SCHIP1: variants seen among roughly 807,000 people sequenced by gnomAD.
SCHIP1 encodes schwannomin interacting protein 1, also known as schwannomin-interacting protein 1.
SCHIP1 carries 8 observed loss-of-function variants against 29.7 expected under a neutral mutation model. That is an observed-to-expected ratio of 0.27 (90% CI 0.16 to 0.49). The LOEUF (loss-of-function observed/expected upper bound fraction) is 0.49, where lower values mean the gene tolerates loss of function less well. Ranked by LOEUF, SCHIP1 falls within the 20% of genes least tolerant of loss-of-function variation. The pLI, the probability that SCHIP1 is intolerant of heterozygous loss-of-function variation, is 0.99. For missense variants in SCHIP1, 193 were observed against 294.6 expected, an observed-to-expected ratio of 0.66 and a Z score of 2.52; for synonymous variants, 76 against 94.9, an observed-to-expected ratio of 0.80 and a Z score of 1.16.
upstream of SCHIP1, among the ~76,000 whole-genome samples, chr3:159,839,109 T>G (rs1337314533): frequency 6.6e-6 from 1 of 151,998 alleles, no homozygotes; most frequent in Non-Finnish European, 1.5e-5. Flanking sequence ...CTGGCCCCAG[T>G]TTTTTCCCAG....
At chr3:159,485,808 G>C in the SCHIP1 span, among the ~76,000 whole-genome samples, 1 of 152,118 alleles carries the variant, frequency 6.6e-6, no homozygotes, top group Non-Finnish European at 1.5e-5. Context: ...CAGGTGCATT[G>C]TTTGTGAACT....
At chr3:159,668,572 T>C in the SCHIP1 span, among the ~76,000 whole-genome samples, 2 of 152,214 alleles carry the variant, frequency 1.3e-5, no homozygotes, top group African/African-American at 2.4e-5. Context: ...CCTGGGCTTT[T>C]GCAAGTTCTT....
the SCHIP1 span, among the ~76,000 whole-genome samples, chr3:159,327,801 A>T: frequency 6.6e-6 from 1 of 152,204 alleles, no homozygotes; most frequent in African/African-American, 2.4e-5. Context: ...GAGGCAGAGA[A>T]GAAAAGCAAA....
chr3:159,879,838 G>A (rs924842142), intron 2 of SCHIP1, among the ~76,000 whole-genome samples: 1 of 152,264 alleles, frequency 6.6e-6, no homozygotes, highest in African/African-American at 2.4e-5. Context: ...ATACAGGGGC[G>A]ATGTTTCTCC....
At chr3:159,658,206 C>A in the SCHIP1 span, among the ~76,000 whole-genome samples, 10 of 152,272 alleles carry the variant, frequency 6.6e-5, no homozygotes, top group African/African-American at 2.2e-4. Flanking sequence ...CTTCCCAATT[C>A]AAAGACAAAA....
chr3:159,515,879 A>T, the SCHIP1 span, among the ~76,000 whole-genome samples: 1 of 152,224 alleles, frequency 6.6e-6, no homozygotes, highest in African/African-American at 2.4e-5. Context: ...ACAAAGCTTG[A>T]ATGTTAGTGC....
chr3:159,524,926 C>T, the SCHIP1 span, among the ~76,000 whole-genome samples: 11 of 152,288 alleles, frequency 7.2e-5, no homozygotes, highest in East Asian at 1.4e-3. Context: ...GTACACCCCA[C>T]CCCTAGCCAC....
the SCHIP1 span, among the ~76,000 whole-genome samples, chr3:159,291,125 A>G: frequency 2.6e-5 from 4 of 152,236 alleles, no homozygotes; most frequent in East Asian, 1.9e-4. Context: ...TACAAAATAC[A>G]CAAGGAAGGT....
At chr3:159,628,164 T>A in the SCHIP1 span, among the ~76,000 whole-genome samples, 13 of 152,044 alleles carry the variant, frequency 8.6e-5, no homozygotes, top group Non-Finnish European at 1.5e-4. Context: ...AGTTCAAGGC[T>A]CACCAAAGAG....
At chr3:159,817,159 C>A in the SCHIP1 span, among the ~76,000 whole-genome samples, 8 of 152,038 alleles carry the variant, frequency 5.3e-5, no homozygotes, top group African/African-American at 1.9e-4. Flanking sequence ...GAATTAAATA[C>A]CTATGATGAA....
the SCHIP1 span, among the ~76,000 whole-genome samples, chr3:159,825,315 A>G: frequency 2.0e-5 from 3 of 152,188 alleles, no homozygotes; most frequent in East Asian, 3.9e-4. Flanking sequence ...CCTCAAGTGC[A>G]GCTGGCAGAG....
chr3:159,840,069 G>C (rs1744076872), exon 1 of SCHIP1: 2 of 1,509,052 alleles, frequency 1.3e-6, no homozygotes, highest in East Asian at 2.5e-5. Context: ...TAATCTGCGG[G>C]GAGCCCCTGC....
the SCHIP1 span, among the ~76,000 whole-genome samples, chr3:159,583,215 T>C: frequency 2.6e-5 from 4 of 152,152 alleles, no homozygotes; most frequent in Non-Finnish European, 5.9e-5. Flanking sequence ...TTCTAGGGTA[T>C]GTAAGTGACT....
the SCHIP1 span, among the ~76,000 whole-genome samples, chr3:159,408,504 A>G: frequency 6.6e-6 from 1 of 152,120 alleles, no homozygotes; most frequent in Non-Finnish European, 1.5e-5. Context: ...AACTGATACT[A>G]CAGAATGCAA....
the SCHIP1 span, among the ~76,000 whole-genome samples, chr3:159,664,039 G>A: frequency 6.6e-6 from 1 of 152,128 alleles, no homozygotes; most frequent in African/African-American, 2.4e-5. Context: ...CTTCATTTGA[G>A]GTTTGTTTCT....
At chr3:159,772,583 T>C in the SCHIP1 span, among the ~76,000 whole-genome samples, 1 of 152,228 alleles carries the variant, frequency 6.6e-6, no homozygotes, top group Non-Finnish European at 1.5e-5. Flanking sequence ...ACAGTTGTTA[T>C]CTGGTTGGTT....
chr3:159,718,963 C>T, the SCHIP1 span, among the ~76,000 whole-genome samples: 3,715 of 152,226 alleles, frequency 0.024, 75 homozygotes, highest in African/African-American at 0.052. Flanking sequence ...GGAGGCATCA[C>T]GCTACCTGAC....
chr3:159,501,290 G>T, the SCHIP1 span, among the ~76,000 whole-genome samples: 1 of 152,152 alleles, frequency 6.6e-6, no homozygotes, highest in African/African-American at 2.4e-5. Context: ...AAAAAGGATG[G>T]TAAACAGTTG....
upstream of SCHIP1, among the ~76,000 whole-genome samples, chr3:159,837,892 A>G (rs9816506): frequency 0.06 from 9,111 of 151,644 alleles, 862 homozygotes; most frequent in African/African-American, 0.2. Context: ...CTCATTCCCT[A>G]CCCCCAGGCT....
Sources: allele counts gnomAD v4.1 joint callset (sites outside exome capture counted in the v4.1 genomes callset), GRCh38; gene constraint gnomAD v4.1.1; transcripts MANE v1.5; gene names NCBI Gene and HGNC (gene_info 2026-07-23, HGNC 2026-07-21).